Variants in SNAP47 observed in about 807,000 individuals in gnomAD.
SNAP47 encodes synaptosomal-associated protein 47.
SNAP47 carries 20 observed loss-of-function variants against 31.4 expected under a neutral mutation model. The observed-to-expected ratio is 0.64, with a 90% CI of 0.45 to 0.93. The LOEUF (loss-of-function observed/expected upper bound fraction) is 0.93, where lower values mean the gene tolerates loss of function less well. Ranked by LOEUF, SNAP47 falls within the 40% of genes least tolerant of loss-of-function variation. The pLI is 0.00. For missense variants in SNAP47, 492 were observed against 528.5 expected (o/e 0.93, Z 0.68); for synonymous variants, 194 against 213.4 (o/e 0.91, Z 0.79).
intron 4 of SNAP47, among the ~76,000 whole-genome samples, chr1:227,774,488 G>A (rs899727852): frequency 6.6e-6 from 1 of 152,168 alleles, no homozygotes; most frequent in East Asian, 1.9e-4. Flanking sequence ...CTGCTGAGCT[G>A]TGTGTCACAG....
Position 227,761,103 on chromosome 1 carries a change from G to A in SNAP47, c.988+1618G>A, listed in dbSNP as rs184918686. Among the ~76,000 whole-genome samples the A allele has an allele frequency of 2.9e-3, 448 of 152,272 alleles. 1 individual carries two copies. Among genetic ancestry groups the A allele is most frequent in the Non-Finnish European group, 5.1e-3 (344 of 68,028 alleles). ...TCCACACTATAATGCGTGTCTATAC[G>A]TACAGCATGTAAAGCTGTATTCTTC... is the stretch of plus-strand genomic sequence containing the variant. On this transcript the variant is annotated intron_variant, in intron 3 of 4. Coordinates refer to ENST00000617596, the MANE Select transcript of SNAP47 (RefSeq NM_053052.4).
At chr1:227,780,275 C>T (rs1458135488) in intron 4 of SNAP47, among the ~76,000 whole-genome samples, 1 of 152,212 alleles carries the variant, frequency 6.6e-6, no homozygotes, top group Non-Finnish European at 1.5e-5. Context: ...GGCCACTGCA[C>T]CAGGCAGGAG....
At chr1:227,772,538 A>G (rs1663888324) in intron 4 of SNAP47, among the ~76,000 whole-genome samples, 1 of 152,146 alleles carries the variant, frequency 6.6e-6, no homozygotes, top group Non-Finnish European at 1.5e-5. Context: ...GCTATGGAGA[A>G]TGCCGCTGTA....
At chr1:227,749,097 G>A (rs980152844) in intron 2 of SNAP47, among the ~76,000 whole-genome samples, 19 of 151,974 alleles carry the variant, frequency 1.3e-4, no homozygotes, top group African/African-American at 4.4e-4. Flanking sequence ...AAAAACCTTC[G>A]GGTCTTGCGT....
upstream of SNAP47, chr1:227,735,112 G>A (rs1490547671): frequency 1.9e-6 from 3 of 1,576,092 alleles, no homozygotes; most frequent in Non-Finnish European, 2.6e-6. Context: ...AAAACACGCA[G>A]GGCAGGTTGG....
At chr1:227,778,844 C>T (rs1279725573) in intron 4 of SNAP47, among the ~76,000 whole-genome samples, 1 of 152,214 alleles carries the variant, frequency 6.6e-6, no homozygotes, top group Non-Finnish European at 1.5e-5. Context: ...TAAGTCATGA[C>T]TCAACAGATG....
chr1:227,766,842 C>A, intron 3 of SNAP47, 117 bp from the exon 4 acceptor site: 1 of 1,441,468 alleles, frequency 6.9e-7, no homozygotes, highest in Non-Finnish European at 9.5e-7. Flanking sequence ...AGGAAGCAGT[C>A]CTGCGTGTGG....
intron 4 of SNAP47, chr1:227,777,108 T>TA (rs1395579885): frequency 1.3e-6 from 1 of 769,342 alleles, no homozygotes; most frequent in Non-Finnish European, 1.5e-6. Flanking sequence ...GATGTCTTTT[T>TA]TAAAAAAAAA....
chr1:227,778,360 G>A (rs913180159), intron 4 of SNAP47, among the ~76,000 whole-genome samples: 6 of 152,248 alleles, frequency 3.9e-5, no homozygotes, highest in Non-Finnish European at 8.8e-5. Flanking sequence ...CCTGGCAGGG[G>A]CCTTGGGCCA....
At chr1:227,745,299 C>T (rs545476158) in intron 1 of SNAP47, among the ~76,000 whole-genome samples, 10 of 152,228 alleles carry the variant, frequency 6.6e-5, no homozygotes, top group Admixed American at 2.6e-4. Flanking sequence ...CCCACAGAGG[C>T]CCCTGCAGGG....
intron 4 of SNAP47, chr1:227,776,577 A>T: frequency 3.0e-6 from 3 of 985,524 alleles, no homozygotes; most frequent in Non-Finnish European, 3.6e-6. Flanking sequence ...GCAGAGGAAC[A>T]ACTGTTTCTA....
chr1:227,749,712 T>C (rs1662217634), intron 2 of SNAP47, among the ~76,000 whole-genome samples: 1 of 152,104 alleles, frequency 6.6e-6, no homozygotes, highest in Non-Finnish European at 1.5e-5. Flanking sequence ...TCTCTACCCC[T>C]TTTTTAAGGA....
chr1:227,757,443 C>T lies in SNAP47; in HGVS notation c.498-1552C>T, dbSNP rs75130273. On this transcript the variant is annotated intron_variant, in intron 2 of 4. Transcript: ENST00000617596. ...CAGGGCAAGGAAGCCACGGAGTGCTCACTCATCTACCTTCATCAAAATCCC... is the reference window on the plus strand; with the variant it reads ...CAGGGCAAGGAAGCCACGGAGTGCTTACTCATCTACCTTCATCAAAATCCC... Among the ~76,000 whole-genome samples, 676 of 152,316 alleles carry T rather than the reference C, an allele frequency of 4.4e-3. 5 individuals carry two copies. Among genetic ancestry groups the T allele is most frequent in the African/African-American group, 0.015 (633 of 41,566 alleles).
intron 3 of SNAP47, among the ~76,000 whole-genome samples, chr1:227,761,857 G>C (rs1319162901): frequency 1.3e-5 from 2 of 152,168 alleles, no homozygotes; most frequent in Non-Finnish European, 2.9e-5. Context: ...GTGGTGGCGA[G>C]CACTCCTGTG....
intron 1 of SNAP47, among the ~76,000 whole-genome samples, chr1:227,739,666 CAG>C (rs756910188): frequency 3.9e-5 from 6 of 152,234 alleles, no homozygotes; most frequent in Non-Finnish European, 8.8e-5. Context: ...GAGCCTCACT[CAG>C]GGGACCCTTG....
At chr1:227,770,234 A>G (rs1663708250) in intron 4 of SNAP47, among the ~76,000 whole-genome samples, 1 of 152,140 alleles carries the variant, frequency 6.6e-6, no homozygotes, top group Admixed American at 6.5e-5. Flanking sequence ...AAGCCATGCA[A>G]CTCATTCCAT....
chr1:227,734,944 G>T, upstream of SNAP47: 2 of 1,499,762 alleles, frequency 1.3e-6, no homozygotes, highest in Non-Finnish European at 1.8e-6. Context: ...CTCTCTAGGC[G>T]GGGGCCTCCC....
chr1:227,750,394 C>T (rs556654116), intron 2 of SNAP47, among the ~76,000 whole-genome samples: 5 of 152,370 alleles, frequency 3.3e-5, no homozygotes, highest in South Asian at 4.1e-4. Flanking sequence ...CCTGGGAGTC[C>T]GCCAATTTCT....
At chr1:227,732,808 G>A, upstream of SNAP47, 2 of 1,599,054 alleles carry the variant, frequency 1.3e-6, no homozygotes, top group Non-Finnish European at 1.7e-6. Context: ...GCTGCGCGGT[G>A]ACCAAGGGAG....
Sources: allele counts gnomAD v4.1 joint callset (sites outside exome capture counted in the v4.1 genomes callset), GRCh38; gene constraint gnomAD v4.1.1; transcripts MANE v1.5; gene names NCBI Gene and HGNC (gene_info 2026-07-23, HGNC 2026-07-21).